SPAG16: variants seen among roughly 807,000 people sequenced by gnomAD.
SPAG16 encodes the protein sperm-associated antigen 16 protein.
In SPAG16, 86 loss-of-function variants were observed where a neutral mutation model predicts 80.4. The observed-to-expected ratio is 1.07, with a 90% CI of 0.90 to 1.28. SPAG16 has a LOEUF of 1.28. Among genes scored for constraint, SPAG16 ranks in the 50% most tolerant of loss-of-function variants. The probability of loss-of-function intolerance (pLI) is 0.00; values close to 1 mark genes in which losing one functional copy is unlikely to be tolerated. For missense variants in SPAG16, 870 were observed against 765.3 expected (o/e 1.14, Z -1.61); for synonymous variants, 294 against 265.9 (o/e 1.11, Z -1.03).
intron 15 of SPAG16, among the ~76,000 whole-genome samples, chr2:214,158,842 A>G (rs1275322265): frequency 2.0e-5 from 3 of 152,056 alleles, no homozygotes; most frequent in African/African-American, 7.2e-5. Flanking sequence ...CAAAGCAACT[A>G]TATAACGATG....
At chr2:213,672,101 A>G (rs1351846557) in intron 10 of SPAG16, among the ~76,000 whole-genome samples, 4 of 152,202 alleles carry the variant, frequency 2.6e-5, no homozygotes. Flanking sequence ...GACTGTGGAA[A>G]TGAATAGGTT....
chr2:213,909,243 G>A (rs1240099864), intron 11 of SPAG16, among the ~76,000 whole-genome samples: 1 of 152,040 alleles, frequency 6.6e-6, no homozygotes, highest in African/African-American at 2.4e-5. Flanking sequence ...CAAAGAAATG[G>A]AAGAACATTC....
intron 10 of SPAG16, among the ~76,000 whole-genome samples, chr2:213,616,476 T>G (rs890484881): frequency 3.3e-5 from 5 of 152,208 alleles, no homozygotes; most frequent in Admixed American, 1.3e-4. Context: ...TCGCTGTTAT[T>G]AGGCACCCTG....
intron 10 of SPAG16, among the ~76,000 whole-genome samples, chr2:213,783,106 T>C (rs1185547896): frequency 2.2e-5 from 3 of 138,064 alleles, no homozygotes; most frequent in African/African-American, 8.2e-5. Flanking sequence ...GTCCAAGTGA[T>C]CTCATTGTTC....
intron 10 of SPAG16, among the ~76,000 whole-genome samples, chr2:213,802,451 A>G (rs2071480418): frequency 6.6e-6 from 1 of 151,832 alleles, no homozygotes; most frequent in Non-Finnish European, 1.5e-5. Flanking sequence ...CTATCTACAC[A>G]TACCTGGAGT....
intron 9 of SPAG16, among the ~76,000 whole-genome samples, chr2:213,387,429 CTCTTTTTTTTTTTTTTTT>C (rs1452476437): frequency 1.4e-5 from 1 of 71,760 alleles, no homozygotes; most frequent in Non-Finnish European, 2.4e-5. Flanking sequence ...GAAATGCATG[CTCTTTTTTTTTTTTTTTT>C]TTTTTTTTTT....
chr2:213,521,566 C>T (rs927328326), intron 10 of SPAG16, among the ~76,000 whole-genome samples: 11 of 152,174 alleles, frequency 7.2e-5, no homozygotes, highest in Admixed American at 3.3e-4. Flanking sequence ...GTTTGTATGT[C>T]GTGCACTTCT....
chr2:213,804,742 A>G (rs2071657120), intron 10 of SPAG16, among the ~76,000 whole-genome samples: 1 of 152,102 alleles, frequency 6.6e-6, no homozygotes, highest in South Asian at 2.1e-4. Context: ...AGATTACGAG[A>G]CAGGAAGCAC....
chr2:213,902,910 G>C lies in SPAG16; in HGVS notation c.1215-27050G>C, dbSNP rs2077278151. ...GGGAGAAATTCGTCAAAACAAAGTG[G>C]TTATTGGGCCCATGCCAGTCTGAAT... is the stretch of plus-strand genomic sequence containing the variant. On this transcript the variant is annotated intron_variant, in intron 11 of 15. Transcript: ENST00000331683. 2.0e-5 allele frequency among the ~76,000 whole-genome samples: 3 copies of C among 152,332 alleles called. No individual in the cohort carries two copies. The South Asian group carries it at 6.2e-4, about 32-fold the overall frequency.
chr2:214,084,392 G>GA (rs914021057), intron 13 of SPAG16, among the ~76,000 whole-genome samples: 19 of 149,946 alleles, frequency 1.3e-4, no homozygotes, highest in Non-Finnish European at 2.4e-4. Flanking sequence ...CGTAATCTTT[G>GA]AAAAAAAAAT....
intron 12 of SPAG16, among the ~76,000 whole-genome samples, chr2:213,949,188 T>TGTTTTTTTGTTTTTTTG: frequency 8.8e-5 from 1 of 11,418 alleles, no homozygotes; most frequent in African/African-American, 1.3e-4. Flanking sequence ...TTTTTTTTTT[T>TGTTTTTTTGTTTTTTTG]TTTTTGAGGT....
At chr2:214,391,658 G>A (rs1701086119) in intron 15 of SPAG16, among the ~76,000 whole-genome samples, 1 of 152,174 alleles carries the variant, frequency 6.6e-6, no homozygotes, top group African/African-American at 2.4e-5. Context: ...TGACTTAACA[G>A]AGTGGGAGAA....
chr2:213,386,446 G>T (rs1162347865), intron 9 of SPAG16, among the ~76,000 whole-genome samples: 2 of 152,024 alleles, frequency 1.3e-5, no homozygotes, highest in African/African-American at 2.4e-5. Flanking sequence ...TTCTAAATCT[G>T]GTCTCCATGG....
At chr2:213,830,047 G>A (rs1202355800) in intron 10 of SPAG16, among the ~76,000 whole-genome samples, 2 of 152,108 alleles carry the variant, frequency 1.3e-5, no homozygotes, top group Non-Finnish European at 2.9e-5. Flanking sequence ...CAAGTCCACT[G>A]GCTCCATTGC....
At chr2:214,176,816 G>GTA (rs2057100302) in intron 15 of SPAG16, among the ~76,000 whole-genome samples, 1 of 150,848 alleles carries the variant, frequency 6.6e-6, no homozygotes, top group Non-Finnish European at 1.5e-5. Flanking sequence ...GAATGTGTGT[G>GTA]TGTGTGTGTT....
chr2:213,415,557 T>C (rs2069204054), intron 9 of SPAG16, among the ~76,000 whole-genome samples: 1 of 152,164 alleles, frequency 6.6e-6, no homozygotes, highest in African/African-American at 2.4e-5. Context: ...TTGGGAAGAA[T>C]AGACAGATTT....
chr2:213,814,712 C>T (rs918422981), intron 10 of SPAG16, among the ~76,000 whole-genome samples: 1 of 152,036 alleles, frequency 6.6e-6, no homozygotes, highest in Non-Finnish European at 1.5e-5. Flanking sequence ...ATTGCTTGAA[C>T]CTGGGAGGCG....
At chr2:213,661,056 G>A (rs919883518) in intron 10 of SPAG16, among the ~76,000 whole-genome samples, 6 of 152,190 alleles carry the variant, frequency 3.9e-5, no homozygotes, top group Admixed American at 3.9e-4. Flanking sequence ...CCTGGTGTTG[G>A]GTCTGGTCAC....
intron 10 of SPAG16, among the ~76,000 whole-genome samples, chr2:213,573,009 G>A (rs1350460404): frequency 2.6e-5 from 4 of 152,120 alleles, no homozygotes; most frequent in Non-Finnish European, 4.4e-5. Flanking sequence ...TTCCAGGTGC[G>A]TCCATCACCC....
Sources: allele counts gnomAD v4.1 joint callset (sites outside exome capture counted in the v4.1 genomes callset), GRCh38; gene constraint gnomAD v4.1.1; transcripts MANE v1.5; gene names NCBI Gene and HGNC (gene_info 2026-07-23, HGNC 2026-07-21).